The following PNKD variants were observed in gnomAD, a reference collection of about 807,000 sequenced individuals.
The protein encoded by PNKD is PNKD metallo-beta-lactamase domain containing.
In PNKD, 36 loss-of-function variants were observed where a neutral mutation model predicts 45.3. The ratio of observed to expected loss-of-function variants is 0.80; its 90% confidence interval spans 0.61 to 1.05. PNKD has a LOEUF of 1.05. PNKD is among the 50% of genes least tolerant of loss of function. The pLI is 0.00. For missense variants in PNKD, 511 were observed against 506.6 expected, an observed-to-expected ratio of 1.01 and a Z score of -0.08; for synonymous variants, 197 against 210.1, an observed-to-expected ratio of 0.94 and a Z score of 0.54.
chr2:218,275,345 A>G (rs1243600286), intron 2 of PNKD: 5 of 1,300,928 alleles, frequency 3.8e-6, no homozygotes, highest in Non-Finnish European at 5.2e-6. Flanking sequence ...TGTCTCCAGG[A>G]CAGAAAGGAA....
chr2:218,330,777 C>G (rs910976362), intron 2 of PNKD, among the ~76,000 whole-genome samples: 2 of 152,182 alleles, frequency 1.3e-5, no homozygotes, highest in African/African-American at 4.8e-5. Context: ...AACCAGCACC[C>G]CCAGATCATT....
At position 218,345,041 on chromosome 2, in the gene PNKD, C is replaced by T. The variant is rs1342447136; in HGVS notation, c.*60C>T. ...CATGGGGAGGCCGCCACCACCAACA[C>T]CTCATCATCCTTCTCATCGCTAACA... On this transcript the variant is annotated 3_prime_UTR_variant, in exon 10 of 10. Transcript: ENST00000273077. 4 of 1,304,126 alleles carry T rather than the reference C, an allele frequency of 3.1e-6. No homozygotes were observed. Among genetic ancestry groups the T allele is most frequent in the African/African-American group, 1.5e-5 (1 of 67,844 alleles). The allele number at this position is 1,304,126 out of a possible 1,614,324, so 80.8% of individuals were successfully genotyped here.
chr2:218,278,512 C>T (rs758301651), intron 2 of PNKD: 2 of 1,614,162 alleles, frequency 1.2e-6, no homozygotes, highest in Non-Finnish European at 1.7e-6. Flanking sequence ...CTCTGGGACT[C>T]ACCTGGGTCC....
At chr2:218,279,678 G>A (rs1691665197) in intron 2 of PNKD, 1 of 488,542 alleles carries the variant, frequency 2.0e-6, no homozygotes, top group Admixed American at 3.7e-5. Flanking sequence ...GTGAGATGGA[G>A]AGGGTGGGTT....
intron 2 of PNKD, among the ~76,000 whole-genome samples, chr2:218,273,995 G>A (rs1179392480): frequency 6.6e-6 from 1 of 152,182 alleles, no homozygotes; most frequent in Non-Finnish European, 1.5e-5. Context: ...CATATCCAGT[G>A]ATCCAGTGTG....
At chr2:218,337,487 C>T (rs1048220777) in intron 2 of PNKD, among the ~76,000 whole-genome samples, 7 of 152,148 alleles carry the variant, frequency 4.6e-5, no homozygotes, top group East Asian at 1.9e-4. Context: ...CTTTCTATAT[C>T]GCTATTTGCA....
At chr2:218,328,264 A>C (rs1386978052) in intron 2 of PNKD, among the ~76,000 whole-genome samples, 3 of 152,078 alleles carry the variant, frequency 2.0e-5, no homozygotes, top group Admixed American at 2.0e-4. Context: ...CAACCCTACC[A>C]TCAGGCCTTT....
intron 2 of PNKD, among the ~76,000 whole-genome samples, chr2:218,334,430 T>G (rs141804212): frequency 3.3e-5 from 5 of 152,168 alleles, no homozygotes; most frequent in South Asian, 2.1e-4. Context: ...TGTCAATACA[T>G]TTGAAGAGTA....
At chr2:218,273,034 G>T in intron 2 of PNKD, 2 of 984,892 alleles carry the variant, frequency 2.0e-6, no homozygotes, top group Non-Finnish European at 2.8e-6. Flanking sequence ...ACAGAGCTCA[G>T]TGTTCCCAGC....
At chr2:218,343,653 AC>A (rs1694747119) in intron 8 of PNKD, 67 bp downstream of exon 8, 1 of 1,172,512 alleles carries the variant, frequency 8.5e-7, no homozygotes, top group Non-Finnish European at 1.2e-6. Context: ...GGGCCTTCCC[AC>A]CCCCTCACTC....
intron 2 of PNKD, among the ~76,000 whole-genome samples, chr2:218,333,230 T>C (rs989138307): frequency 6.6e-5 from 10 of 152,356 alleles, no homozygotes; most frequent in Admixed American, 3.9e-4. Context: ...TTGTTTCTGC[T>C]GTCTCCACTG....
At chr2:218,279,056 G>C (rs141523374) in intron 2 of PNKD, 41 of 1,614,176 alleles carry the variant, frequency 2.5e-5, no homozygotes, top group Middle Eastern at 1.7e-4. Context: ...GTAGTAGACA[G>C]CCACATTTCT....
At chr2:218,307,857 C>A (rs1693465855) in intron 2 of PNKD, among the ~76,000 whole-genome samples, 1 of 152,060 alleles carries the variant, frequency 6.6e-6, no homozygotes, top group Non-Finnish European at 1.5e-5. Flanking sequence ...AAAAGGCATG[C>A]TCCATTGTCA....
In PNKD at chr2:218,323,459, G is replaced by A. The variant is rs770783725; in HGVS notation, c.237-16324G>A. On this transcript the variant is annotated intron_variant, in intron 2 of 9. Coordinates refer to ENST00000273077, the MANE Select transcript of PNKD (RefSeq NM_015488.5). Reference sequence around the variant, plus strand: ...TAGTGCCCGGGCTCCGAAGCGTGCGGGCTCGGGAGGCGGGCGCGCTGGGAG... The same window carrying A: ...TAGTGCCCGGGCTCCGAAGCGTGCGAGCTCGGGAGGCGGGCGCGCTGGGAG... 4.5e-4 allele frequency: 688 copies of A among 1,521,936 alleles called. 1 individual carries two copies. Among genetic ancestry groups the A allele is most frequent in the Non-Finnish European group, 5.5e-4 (629 of 1,142,126 alleles). 94.3% of individuals were successfully genotyped at this position (1,521,936 alleles called of 1,614,324 possible). A position where few individuals can be genotyped will look rare whatever the true frequency, so the allele number is the denominator to read the frequency against.
At chr2:218,289,448 C>G (rs1559511085) in intron 2 of PNKD, among the ~76,000 whole-genome samples, 1 of 151,932 alleles carries the variant, frequency 6.6e-6, no homozygotes, top group Non-Finnish European at 1.5e-5. Context: ...TCGAGACCAG[C>G]CTGGCCAACA....
At chr2:218,335,647 C>CA (rs985675412) in intron 2 of PNKD, among the ~76,000 whole-genome samples, 49 of 143,950 alleles carry the variant, frequency 3.4e-4, no homozygotes, top group South Asian at 4.4e-4. Flanking sequence ...GAAATAAAAC[C>CA]AAAAAAAAAA....
rs1300175788 is a variant in PNKD at position 218,342,047 on chromosome 2, C to T, written c.684C>T (p.Gly228=). 2.5e-6 allele frequency: 4 copies of T among 1,612,824 alleles called. No individual in the cohort carries two copies. The highest frequency in any genetic ancestry group is 3.4e-6 in the Non-Finnish European group (4 of 1,178,906). ...RLQIRALATP[G]HTQGHLVYLL... is the part of the protein sequence containing the mutation. ...AGATCCGGGCCCTGGCTACACCTGG[C>T]CACACACAAGGCCATCTGGTCTACC... Residue 228 remains glycine, a synonymous_variant, in exon 7 of 10, where the codon GGC becomes GGT. Transcript: ENST00000273077.
rs57837884 is a variant in PNKD, at chr2:218,307,274, G to A, written c.237-32509G>A. The stretch of plus-strand genomic sequence containing the variant: ...TAGGGGGGTTCGGGATGATTCAAGC[G>A]CATTACATTTATTGTGCACTAGATT... On this transcript the variant is annotated intron_variant, in intron 2 of 9. Coordinates refer to ENST00000273077, the MANE Select transcript of PNKD (RefSeq NM_015488.5). Among the ~76,000 whole-genome samples, 1,037 of 151,912 alleles carry A rather than the reference G, an allele frequency of 6.8e-3. 11 individuals are homozygous for A. Among genetic ancestry groups the A allele is most frequent in the East Asian group, 0.03 (149 of 5,046 alleles).
At chr2:218,344,056 C>A (rs1251547010) in intron 8 of PNKD, among the ~76,000 whole-genome samples, 3 of 152,160 alleles carry the variant, frequency 2.0e-5, no homozygotes, top group Non-Finnish European at 4.4e-5. Flanking sequence ...TAACACATAC[C>A]AGGCTCTGTT....
Sources: gnomAD v4.1 joint callset for allele counts (sites outside exome capture counted in the v4.1 genomes callset) on GRCh38, gnomAD v4.1.1 for gene constraint, MANE v1.5 for transcripts, NCBI Gene and HGNC (gene_info 2026-07-23, HGNC 2026-07-21) for gene names.